TRPM3: variants seen among roughly 807,000 people sequenced by gnomAD.
TRPM3 encodes transient receptor potential cation channel subfamily M member 3, also known as long transient receptor potential channel 3.
In TRPM3, 77 loss-of-function variants were observed where a neutral mutation model predicts 181.2. That is an observed-to-expected ratio of 0.42 (90% CI 0.35 to 0.51). The LOEUF is 0.51. TRPM3 is among the 20% of genes least tolerant of loss of function. The pLI, the probability that TRPM3 is intolerant of heterozygous loss-of-function variation, is 0.01. For missense variants in TRPM3, 1,759 were observed against 2,196.7 expected, an observed-to-expected ratio of 0.80 and a Z score of 3.98; for synonymous variants, 745 against 796.4, an observed-to-expected ratio of 0.94 and a Z score of 1.09.
rs76418666 is a variant in TRPM3 at position 70,577,045 on chromosome 9, C to T, written c.3223+13986G>A. ...TAAAATTGTGTGCCCAAGTCCTTGC[C>T]GCAGTGACTCTTGATCCTGCTAGTT... On this transcript the variant is annotated intron_variant, in intron 22 of 25. Coordinates refer to ENST00000677713, the MANE Select transcript of TRPM3 (RefSeq NM_001366145.2). Among the ~76,000 whole-genome samples the T allele has an allele frequency of 4.1e-3, 631 of 152,228 alleles. 3 individuals carry two copies. Among genetic ancestry groups the T allele is most frequent in the African/African-American group, 0.014 (590 of 41,526 alleles).
chr9:70,982,849 C>T (rs547437871), intron 1 of TRPM3, among the ~76,000 whole-genome samples: 136 of 152,038 alleles, frequency 8.9e-4, no homozygotes, highest in African/African-American at 3.1e-3. Flanking sequence ...TACAGGTGCC[C>T]GCCACCACAC....
chr9:70,598,963 T>A (rs2059442434), intron 20 of TRPM3, among the ~76,000 whole-genome samples: 1 of 152,164 alleles, frequency 6.6e-6, no homozygotes, highest in Non-Finnish European at 1.5e-5. Context: ...ATGCTGCAAA[T>A]CTCTGAAGTC....
intron 1 of TRPM3, among the ~76,000 whole-genome samples, chr9:71,306,926 T>C (rs1262704989): frequency 6.6e-6 from 1 of 152,262 alleles, no homozygotes; most frequent in Non-Finnish European, 1.5e-5. Flanking sequence ...TAACTCCATA[T>C]TGTTCCTTAT....
At chr9:70,594,253 G>A (rs907485174) in intron 21 of TRPM3, among the ~76,000 whole-genome samples, 1 of 152,028 alleles carries the variant, frequency 6.6e-6, no homozygotes, top group African/African-American at 2.4e-5. Context: ...GAGATGGCAT[G>A]TGAAACAATG....
At chr9:71,147,912 A>G (rs1025751733) in intron 1 of TRPM3, among the ~76,000 whole-genome samples, 2 of 152,126 alleles carry the variant, frequency 1.3e-5, no homozygotes, top group African/African-American at 2.4e-5. Context: ...GAATCTAGAA[A>G]TATTCTCTTT....
intron 1 of TRPM3, among the ~76,000 whole-genome samples, chr9:71,064,710 C>T (rs2061707514): frequency 2.0e-5 from 3 of 152,182 alleles, no homozygotes; most frequent in East Asian, 3.9e-4. Context: ...TTTGAATTCA[C>T]GTCAGTCAGT....
chr9:71,058,219 T>C (rs2060890336), intron 1 of TRPM3, among the ~76,000 whole-genome samples: 1 of 152,078 alleles, frequency 6.6e-6, no homozygotes, highest in South Asian at 2.1e-4. Flanking sequence ...ATAAAATCTA[T>C]AGCTTTGGCT....
intron 1 of TRPM3, among the ~76,000 whole-genome samples, chr9:71,093,345 G>A (rs1193742584): frequency 1.3e-5 from 2 of 151,090 alleles, no homozygotes; most frequent in African/African-American, 4.9e-5. Flanking sequence ...TTAGACAAAG[G>A]ACTAATATCC....
intron 1 of TRPM3, among the ~76,000 whole-genome samples, chr9:70,965,875 G>A (rs1374260876): frequency 6.6e-6 from 1 of 151,880 alleles, no homozygotes; most frequent in East Asian, 1.9e-4. Flanking sequence ...GGCAACAAAA[G>A]CAAAAATTGA....
intron 25 of TRPM3, among the ~76,000 whole-genome samples, chr9:70,542,962 T>G (rs945382609): frequency 3.3e-5 from 5 of 152,186 alleles, no homozygotes; most frequent in African/African-American, 1.2e-4. Context: ...TTGGGTTAAT[T>G]ATCCTTCTCA....
intron 3 of TRPM3, among the ~76,000 whole-genome samples, chr9:70,859,507 C>T (rs2095472362): frequency 6.6e-6 from 1 of 152,144 alleles, no homozygotes; most frequent in Non-Finnish European, 1.5e-5. Flanking sequence ...AACAAGGTAT[C>T]ATAGTTAAGT....
chr9:71,159,839 G>C (rs1009942131), intron 1 of TRPM3, among the ~76,000 whole-genome samples: 1 of 152,114 alleles, frequency 6.6e-6, no homozygotes, highest in Non-Finnish European at 1.5e-5. Context: ...TGTCTGCTGA[G>C]ATGTGAGTAG....
At chr9:71,361,722 T>A (rs2092152915) in intron 1 of TRPM3, among the ~76,000 whole-genome samples, 1 of 152,178 alleles carries the variant, frequency 6.6e-6, no homozygotes, top group African/African-American at 2.4e-5. Context: ...TTTTATTGTC[T>A]CCAGTGCCTA....
At chr9:71,020,216 C>A (rs575735730) in intron 1 of TRPM3, among the ~76,000 whole-genome samples, 10 of 151,916 alleles carry the variant, frequency 6.6e-5, no homozygotes, top group African/African-American at 2.4e-4. Context: ...CCTGTAATCC[C>A]AGCACTTTGG....
chr9:71,158,899 AGCT>A (rs2076135613), intron 1 of TRPM3, among the ~76,000 whole-genome samples: 1 of 152,022 alleles, frequency 6.6e-6, no homozygotes, highest in South Asian at 2.1e-4. Flanking sequence ...TGACTGCTTG[AGCT>A]CTGAAACACT....
chr9:70,807,134 T>G (rs577990613), intron 6 of TRPM3, among the ~76,000 whole-genome samples: 2 of 152,310 alleles, frequency 1.3e-5, no homozygotes, highest in East Asian at 1.9e-4. Flanking sequence ...AGCCATGCAC[T>G]TCTACTAAAT....
chr9:71,356,962 G>T (rs776237750), intron 1 of TRPM3, among the ~76,000 whole-genome samples: 11 of 152,142 alleles, frequency 7.2e-5, no homozygotes, highest in African/African-American at 2.4e-4. Flanking sequence ...TTGACAAAGA[G>T]AAATTTGTTT....
At chr9:71,108,513 CA>C (rs1204314334) in intron 1 of TRPM3, among the ~76,000 whole-genome samples, 2 of 152,252 alleles carry the variant, frequency 1.3e-5, no homozygotes, top group Admixed American at 6.5e-5. Flanking sequence ...GACATATCAC[CA>C]AACCTTGGTT....
At chr9:70,829,312 T>A (rs896845593) in intron 5 of TRPM3, among the ~76,000 whole-genome samples, 6 of 152,202 alleles carry the variant, frequency 3.9e-5, no homozygotes. Flanking sequence ...AAGTCATTTT[T>A]TTAGACCTTG....
Sources: allele counts gnomAD v4.1 joint callset (sites outside exome capture counted in the v4.1 genomes callset), GRCh38; gene constraint gnomAD v4.1.1; transcripts MANE v1.5; gene names NCBI Gene and HGNC (gene_info 2026-07-23, HGNC 2026-07-21).